The following KLHL1 variants were observed in gnomAD, a reference collection of about 807,000 sequenced individuals.
KLHL1 encodes the protein kelch-like protein 1.
A neutral mutation model predicts 77.7 loss-of-function variants in KLHL1; 47 were observed. The ratio of observed to expected loss-of-function variants is 0.60; its 90% confidence interval spans 0.48 to 0.77. The LOEUF (loss-of-function observed/expected upper bound fraction) is 0.77, where lower values mean the gene tolerates loss of function less well. KLHL1 is among the 30% of genes least tolerant of loss of function. KLHL1 has a pLI of 0.00. For synonymous variants in KLHL1, 360 were observed against 325.2 expected (o/e 1.11, Z -1.15); for missense variants, 925 against 910.8 (o/e 1.02, Z -0.20).
At chr13:69,734,253 G>A (rs1593783105) in intron 8 of KLHL1, among the ~76,000 whole-genome samples, 1 of 152,244 alleles carries the variant, frequency 6.6e-6, no homozygotes, top group South Asian at 2.1e-4. Context: ...TGATGTGCCT[G>A]CTCCCCCCTG....
chr13:69,761,300 C>T (rs1875009361), intron 7 of KLHL1, among the ~76,000 whole-genome samples: 1 of 152,108 alleles, frequency 6.6e-6, no homozygotes, highest in African/African-American at 2.4e-5. Flanking sequence ...GGTTACAGGT[C>T]AGCATTTACT....
chr13:69,961,176 G>T lies in KLHL1; in HGVS notation c.817+132C>A. The T allele has an allele frequency of 8.4e-6, 6 of 718,410 alleles. No homozygotes were observed. In the South Asian group the frequency reaches 1.2e-4, roughly 14 times the overall value. The allele number at this position is 718,410 out of a possible 1,614,324, so 44.5% of individuals were successfully genotyped here. On this transcript the variant is annotated intron_variant, in intron 3 of 10. Transcript: ENST00000377844. ...AGTGACAACAAAAAGTCTGATTTTTGATCTACTAGTTTTCAACTGAAAAGA... is the reference window on the plus strand; with the variant it reads ...AGTGACAACAAAAAGTCTGATTTTTTATCTACTAGTTTTCAACTGAAAAGA...
chr13:69,945,400 G>C (rs9542127), intron 3 of KLHL1, among the ~76,000 whole-genome samples: 3 of 150,422 alleles, frequency 2.0e-5, no homozygotes, highest in Non-Finnish European at 4.4e-5. Flanking sequence ...ACTGAGCTAA[G>C]ATCATGCCAC....
chr13:70,104,887 C>G (rs1456346021), intron 1 of KLHL1, among the ~76,000 whole-genome samples: 1 of 151,988 alleles, frequency 6.6e-6, no homozygotes, highest in Non-Finnish European at 1.5e-5. Context: ...GAAATGCTGT[C>G]TTTTCTGGGC....
At chr13:70,041,864 A>G (rs982624116) in intron 1 of KLHL1, among the ~76,000 whole-genome samples, 3 of 152,128 alleles carry the variant, frequency 2.0e-5, no homozygotes, top group African/African-American at 7.2e-5. Context: ...GCCTTCTCTG[A>G]CAACACCACT....
intron 7 of KLHL1, among the ~76,000 whole-genome samples, chr13:69,784,742 T>G (rs1227117064): frequency 6.6e-6 from 1 of 151,722 alleles, no homozygotes; most frequent in Non-Finnish European, 1.5e-5. Flanking sequence ...AATGGGAGAC[T>G]TTAACACCCC....
intron 8 of KLHL1, among the ~76,000 whole-genome samples, chr13:69,739,253 C>A (rs749755825): frequency 1.9e-4 from 29 of 152,132 alleles, no homozygotes; most frequent in Non-Finnish European, 3.8e-4. Context: ...CTGAAGGAAG[C>A]ACTAAATATG....
intron 8 of KLHL1, among the ~76,000 whole-genome samples, chr13:69,721,782 T>C (rs955762384): frequency 6.6e-6 from 1 of 152,124 alleles, no homozygotes; most frequent in Admixed American, 6.6e-5. Context: ...GTTCCCTTGA[T>C]GCGTGTAATA....
At chr13:69,768,311 A>AT (rs974686090) in intron 7 of KLHL1, among the ~76,000 whole-genome samples, 1 of 152,106 alleles carries the variant, frequency 6.6e-6, no homozygotes, top group East Asian at 1.9e-4. Context: ...TGTGAAATAT[A>AT]TTTTTTTAAA....
chr13:70,029,415 T>C (rs1321706022), intron 1 of KLHL1, among the ~76,000 whole-genome samples: 1 of 152,208 alleles, frequency 6.6e-6, no homozygotes, highest in African/African-American at 2.4e-5. Context: ...TTTCAGATGT[T>C]AGCTTCAGCC....
At chr13:69,978,766 C>T (rs879283425) in intron 1 of KLHL1, among the ~76,000 whole-genome samples, 6 of 152,074 alleles carry the variant, frequency 3.9e-5, no homozygotes, top group South Asian at 2.1e-4. Context: ...GGATTACAGG[C>T]GTGAGCCACT....
At chr13:70,022,379 G>A (rs1288508393) in intron 1 of KLHL1, among the ~76,000 whole-genome samples, 3 of 151,398 alleles carry the variant, frequency 2.0e-5, no homozygotes, top group Non-Finnish European at 4.4e-5. Flanking sequence ...TCACAACTGT[G>A]ACTAGTGATA....
At chr13:69,748,344 G>T (rs1419608400) in intron 7 of KLHL1, among the ~76,000 whole-genome samples, 2 of 151,992 alleles carry the variant, frequency 1.3e-5, no homozygotes, top group South Asian at 2.1e-4. Context: ...GGCTGAGGAG[G>T]CCTCAGAATC....
chr13:69,939,378 T>TACACACACAC (rs1555283223), intron 4 of KLHL1, among the ~76,000 whole-genome samples: 21 of 70,816 alleles, frequency 3.0e-4, no homozygotes, highest in African/African-American at 8.9e-4. Flanking sequence ...TATATATATA[T>TACACACACAC]ACACACACAC....
chr13:70,093,181 G>A (rs1054708152), intron 1 of KLHL1, among the ~76,000 whole-genome samples: 6 of 152,176 alleles, frequency 3.9e-5, no homozygotes, highest in Admixed American at 2.0e-4. Context: ...GTGAAAATAC[G>A]ATTTGAGGAC....
chr13:69,759,556 C>T (rs940526058), intron 7 of KLHL1, among the ~76,000 whole-genome samples: 1 of 152,094 alleles, frequency 6.6e-6, no homozygotes, highest in African/African-American at 2.4e-5. Flanking sequence ...AACATAAAGA[C>T]ATATAGACAG....
At chr13:69,973,475 ATAT>A (rs1180585833) in intron 2 of KLHL1, among the ~76,000 whole-genome samples, 5 of 151,648 alleles carry the variant, frequency 3.3e-5, no homozygotes, top group Non-Finnish European at 4.4e-5. Context: ...ATATTATTTG[ATAT>A]TATTATAATA....
intron 6 of KLHL1, among the ~76,000 whole-genome samples, chr13:69,812,822 C>CAACAGGTGCTG (rs1877942775): frequency 6.7e-6 from 1 of 149,520 alleles, no homozygotes; most frequent in Non-Finnish European, 1.5e-5. Flanking sequence ...AGTCAGGAAA[C>CAACAGGTGCTG]AACAGGTGCT....
chr13:69,737,578 A>C (rs1368702651), intron 8 of KLHL1, among the ~76,000 whole-genome samples: 2 of 152,150 alleles, frequency 1.3e-5, no homozygotes, highest in African/African-American at 2.4e-5. Flanking sequence ...GGCGGTCTGG[A>C]CTGGGAGCAA....
Sources: gnomAD v4.1 joint callset for allele counts (sites outside exome capture counted in the v4.1 genomes callset) on GRCh38, gnomAD v4.1.1 for gene constraint, MANE v1.5 for transcripts, NCBI Gene and HGNC (gene_info 2026-07-23, HGNC 2026-07-21) for gene names.